Variants in MPRIP observed in about 807,000 individuals in gnomAD.
MPRIP encodes the protein myosin phosphatase Rho-interacting protein.
A neutral mutation model predicts 234.9 loss-of-function variants in MPRIP; 59 were observed. That is an observed-to-expected ratio of 0.25 (90% confidence interval 0.20 to 0.31). MPRIP has a LOEUF of 0.31. Ranked by LOEUF, MPRIP falls within the 10% of genes least tolerant of loss-of-function variation. The probability of loss-of-function intolerance (pLI) is 1.00; values close to 1 mark genes in which losing one functional copy is unlikely to be tolerated. For synonymous variants in MPRIP, 1,144 were observed against 1,263.9 expected, an observed-to-expected ratio of 0.91 and a Z score of 2.01; for missense variants, 2,436 against 3,071.0, an observed-to-expected ratio of 0.79 and a Z score of 4.89.
chr17:17,107,731 G>C (rs530196593), intron 3 of MPRIP, among the ~76,000 whole-genome samples: 1 of 152,226 alleles, frequency 6.6e-6, no homozygotes, highest in African/African-American at 2.4e-5. Flanking sequence ...AGAGATTCCT[G>C]TTGTGCATTG....
At chr17:17,068,171 A>G (rs886887443) in intron 1 of MPRIP, among the ~76,000 whole-genome samples, 2 of 150,268 alleles carry the variant, frequency 1.3e-5, no homozygotes, top group Non-Finnish European at 3.0e-5. Context: ...GTTTTTTGAG[A>G]TGAAGTTTCG....
At chr17:17,054,264 T>C (rs2088627278) in intron 1 of MPRIP, among the ~76,000 whole-genome samples, 1 of 152,236 alleles carries the variant, frequency 6.6e-6, no homozygotes, top group Non-Finnish European at 1.5e-5. Flanking sequence ...TTGTAAGGCA[T>C]ACCTCCTACC....
Position 17,192,598 on chromosome 17 carries a change from C to T in MPRIP, c.*7704C>T, listed in dbSNP as rs2046617458. The T allele has an allele frequency of 6.6e-6, 1 of 151,818 alleles. No individual in the cohort carries two copies. Among genetic ancestry groups the T allele is most frequent in the South Asian group, 2.1e-4 (1 of 4,810 alleles). 9.4% of individuals were successfully genotyped at this position (151,818 alleles called of 1,614,324 possible). On this transcript the variant is annotated 3_prime_UTR_variant, in exon 24 of 24. Coordinates refer to ENST00000651222, the MANE Select transcript of MPRIP (RefSeq NM_001364716.4). ...ATCATTTTTATTTTGTAAATATTAC[C>T]TAACTTTACATAAACTATATCATAA...
chr17:17,140,528 C>A (rs574183788), intron 7 of MPRIP, among the ~76,000 whole-genome samples: 11 of 152,272 alleles, frequency 7.2e-5, no homozygotes, highest in African/African-American at 2.6e-4. Context: ...GGATTCCTGT[C>A]CCCTGGTTGA....
Position 17,111,261 on chromosome 17 carries a change from A to AGACTC in MPRIP, c.268-15438_268-15434dup, listed in dbSNP as rs1483541545. Among the ~76,000 whole-genome samples the AGACTC allele has an allele frequency of 5.6e-5, 8 of 142,716 alleles. No homozygotes were observed. In the South Asian group the frequency reaches 9.2e-4, roughly 16 times the overall value. The allele number at this position is 142,716 out of a possible 152,430, so 93.6% of individuals were successfully genotyped here. A position where few individuals can be genotyped will look rare whatever the true frequency, so the allele number is the denominator to read the frequency against. On this transcript the variant is annotated intron_variant, in intron 3 of 23. Coordinates refer to ENST00000651222, the MANE Select transcript of MPRIP (RefSeq NM_001364716.4). ...AAAAAAAAAAAAAAAAGTACCATAG[A>AGACTC]GACTCGAAGAGAGAGGAAGCCACTG...
chr17:17,067,128 T>C (rs2089055841), intron 1 of MPRIP, among the ~76,000 whole-genome samples: 1 of 152,196 alleles, frequency 6.6e-6, no homozygotes, highest in South Asian at 2.1e-4. Context: ...GTTCGAGGTG[T>C]GATAGAAAAA....
At chr17:17,169,768 G>C (rs779449267) in intron 16 of MPRIP, among the ~76,000 whole-genome samples, 1 of 152,242 alleles carries the variant, frequency 6.6e-6, no homozygotes, top group African/African-American at 2.4e-5. Context: ...GTTGGGGACA[G>C]GGTCTTGGCC....
chr17:17,045,177 C>T (rs1156413260), intron 1 of MPRIP, among the ~76,000 whole-genome samples: 1 of 152,186 alleles, frequency 6.6e-6, no homozygotes, highest in East Asian at 1.9e-4. Flanking sequence ...ATACATCAGC[C>T]ACCATCGAGG....
intron 6 of MPRIP, among the ~76,000 whole-genome samples, chr17:17,137,461 C>CTGAGA (rs2090724762): frequency 6.7e-6 from 1 of 148,740 alleles, no homozygotes; most frequent in African/African-American, 2.5e-5. Context: ...TTGCAGTGAG[C>CTGAGA]TGAGATCACA....
chr17:17,130,743 G>A (rs2144417058), intron 4 of MPRIP, among the ~76,000 whole-genome samples: 1 of 152,100 alleles, frequency 6.6e-6, no homozygotes, highest in Non-Finnish European at 1.5e-5. Context: ...GGGCTTCAGA[G>A]GCAGGACCTA....
chr17:17,167,988 A>G lies in MPRIP; in HGVS notation c.6324+73A>G. ...GGGTGGGTGTGGGGACGTCTGGCTC[A>G]GCTACCGTGCAGGCAGAATTGAGGG... On this transcript the variant is annotated intron_variant, in intron 16 of 23. Coordinates refer to ENST00000651222, the MANE Select transcript of MPRIP (RefSeq NM_001364716.4). This position sits in a 1 kb window ranked among gnomAD's most constrained non-coding sequence, Gnocchi z 5.9. 8.6e-7 allele frequency: 1 copy of G among 1,162,352 alleles called. No homozygotes were observed. The highest frequency in any genetic ancestry group is 1.6e-5 in the African/African-American group (1 of 63,242). The allele number at this position is 1,162,352 out of a possible 1,614,324, so 72.0% of individuals were successfully genotyped here. A position where few individuals can be genotyped will look rare whatever the true frequency, so the allele number is the denominator to read the frequency against.
chr17:17,180,219 G>A (rs751905839), intron 23 of MPRIP, 131 bp downstream of exon 23: 35 of 766,068 alleles, frequency 4.6e-5, no homozygotes, highest in Non-Finnish European at 6.3e-5. Context: ...GAGCCAGCCC[G>A]AGCTCACCCT....
chr17:17,172,633 A>G, intron 17 of MPRIP, 65 bp from the exon 18 acceptor site: 1 of 1,325,932 alleles, frequency 7.5e-7, no homozygotes. Context: ...GGAGCTCCCC[A>G]CCCCCACCCC....
At chr17:17,151,536 C>CTTT (rs2045602950) in intron 12 of MPRIP, among the ~76,000 whole-genome samples, 1 of 152,190 alleles carries the variant, frequency 6.6e-6, no homozygotes, top group African/African-American at 2.4e-5. Flanking sequence ...TGAACTCCAC[C>CTTT]TAAAGCCCTT....
rs571078059 is a variant in MPRIP, at chr17:17,121,652, A to ATTTTCT, written c.268-5033_268-5028dup. ...GCACTACTGAGACTTGGAGGGAGCT[A>ATTTTCT]TTTTCTTTTTCTTTTTCTTTTTTTA... On this transcript the variant is annotated intron_variant, in intron 3 of 23. Coordinates refer to ENST00000651222, the MANE Select transcript of MPRIP (RefSeq NM_001364716.4). Among the ~76,000 whole-genome samples the ATTTTCT allele has an allele frequency of 8.6e-5, 13 of 151,912 alleles. No homozygotes were observed. In the South Asian group the frequency reaches 2.1e-3, roughly 24 times the overall value.
intron 1 of MPRIP, among the ~76,000 whole-genome samples, chr17:17,070,714 T>C (rs900960571): frequency 3.9e-5 from 6 of 152,292 alleles, no homozygotes; most frequent in Middle Eastern, 3.2e-3. Flanking sequence ...AAATGTGGGA[T>C]AATTCTAGCA....
rs1175028801 is a variant in MPRIP, at chr17:17,158,793, C to T, written c.2191C>T (p.Arg731Cys). ...DGPGTEDAAL[R>C]MEVDRSPGLP... Reference sequence around the variant, plus strand: ...GCCAGGCACTGAGGATGCAGCCCTGCGCATGGAGGTGGACCGGAGCCCAGG... The same window carrying T: ...GCCAGGCACTGAGGATGCAGCCCTGTGCATGGAGGTGGACCGGAGCCCAGG... The change falls in exon 14 of 24, where the codon CGC becomes TGC. Residue 731 changes from arginine to cysteine, a missense_variant. By Grantham distance (180) the Arg-to-Cys change is radical. Around this residue, in one of 4 missense-constraint regions of MPRIP, gnomAD observed 1,998 missense variants for 2,520.3 expected, o/e 0.79. Transcript: ENST00000651222. The T allele has an allele frequency of 6.2e-6, 10 of 1,611,526 alleles. No individual in the cohort carries two copies. The East Asian group carries it at 6.7e-5, about 11-fold the overall frequency.
intron 3 of MPRIP, among the ~76,000 whole-genome samples, chr17:17,079,366 C>T (rs2089410054): frequency 6.6e-6 from 1 of 152,196 alleles, no homozygotes; most frequent in Admixed American, 6.5e-5. Flanking sequence ...GGGTAGTGTA[C>T]TGGAGGTGAG....
rs1320773322 is a variant in MPRIP, at chr17:17,136,466, G to C, written c.736+16G>C. On this transcript the variant is annotated intron_variant, in intron 6 of 23. Transcript: ENST00000651222. ...AGCAAAGAAGGTGAGCGGAGGCCAGGCTGGCTTGTATGCACGGGAATGGCC... is the reference window on the plus strand; with the variant it reads ...AGCAAAGAAGGTGAGCGGAGGCCAGCCTGGCTTGTATGCACGGGAATGGCC... 1.0e-5 allele frequency: 16 copies of C among 1,601,372 alleles called. No individual in the cohort carries two copies. The highest frequency in any genetic ancestry group is 1.4e-5 in the Non-Finnish European group (16 of 1,173,332).
Sources: allele counts gnomAD v4.1 joint callset (sites outside exome capture counted in the v4.1 genomes callset), GRCh38; gene constraint gnomAD v4.1.1; regional missense constraint gnomAD v4.1.1; non-coding constraint Gnocchi (gnomAD v3.1); transcripts MANE v1.5; gene names NCBI Gene and HGNC (gene_info 2026-07-23, HGNC 2026-07-21).